The following PARG variants were observed in gnomAD, a reference collection of about 807,000 sequenced individuals.
PARG encodes the protein poly(ADP-ribose) glycohydrolase.
Under a neutral mutation model 113.0 loss-of-function variants are expected in PARG, and 35 were observed. The ratio of observed to expected loss-of-function variants is 0.31; its 90% CI spans 0.24 to 0.41. The LOEUF (loss-of-function observed/expected upper bound fraction) is 0.41. Among genes scored for constraint, PARG ranks in the 10% least tolerant of loss-of-function variants. The pLI is 1.00. For synonymous variants in PARG, 330 were observed against 409.9 expected, an observed-to-expected ratio of 0.81 and a Z score of 2.36; for missense variants, 797 against 1,169.4, an observed-to-expected ratio of 0.68 and a Z score of 4.64.
chr10:49,897,901 A>G (rs1554843132), intron 7 of PARG, among the ~76,000 whole-genome samples: 1 of 152,168 alleles, frequency 6.6e-6, no homozygotes, highest in Non-Finnish European at 1.5e-5. Flanking sequence ...CTAAGGCATG[A>G]GAATCGCTTG....
intron 4 of PARG, among the ~76,000 whole-genome samples, chr10:49,929,840 A>G (rs1316243611): frequency 3.3e-5 from 5 of 151,738 alleles, no homozygotes; most frequent in South Asian, 2.1e-4. Flanking sequence ...AAAAAAAAAA[A>G]AAAAGAAATA....
intron 7 of PARG, among the ~76,000 whole-genome samples, chr10:49,914,452 T>C (rs1837355951): frequency 1.3e-5 from 2 of 152,202 alleles, no homozygotes; most frequent in Non-Finnish European, 2.9e-5. Context: ...GCCTGCCTTG[T>C]AAAAGCCATA....
chr10:49,866,453 G>A (rs1333975807), intron 10 of PARG, among the ~76,000 whole-genome samples: 1 of 151,814 alleles, frequency 6.6e-6, no homozygotes, highest in East Asian at 1.9e-4. Context: ...TGGGTCTTAC[G>A]TCTTTTAGAT....
intron 14 of PARG, 45 bp from the exon 15 acceptor site, chr10:49,842,103 C>T (rs1440948078): frequency 4.5e-6 from 6 of 1,334,584 alleles, no homozygotes; most frequent in Non-Finnish European, 6.3e-6. Flanking sequence ...AACAGGTAGT[C>T]GCTCAAATAA....
At chr10:49,835,633 GAAAGAA>G (rs1307478669) in intron 15 of PARG, among the ~76,000 whole-genome samples, 2 of 152,102 alleles carry the variant, frequency 1.3e-5, no homozygotes, top group Admixed American at 1.3e-4. Context: ...AGGAAAGAAG[GAAAGAA>G]AACGGAAAAG....
chr10:49,935,040 T>A (rs1838681541), intron 2 of PARG, 36 bp downstream of exon 2: 1 of 697,712 alleles, frequency 1.4e-6, no homozygotes, highest in Non-Finnish European at 2.6e-6. Context: ...ATCCATGTAT[T>A]ATTATTCATT....
chr10:49,885,257 G>A lies in PARG; in HGVS notation c.1776C>T (p.Ser592=). 9 of 1,609,042 alleles carry A rather than the reference G, an allele frequency of 5.6e-6. No homozygotes were observed. Among genetic ancestry groups the A allele is most frequent in the Non-Finnish European group, 7.6e-6 (9 of 1,177,338 alleles). The change falls in exon 8 of 18, where the codon TCC becomes TCT. Residue 592 remains serine, a synonymous_variant. Coordinates refer to ENST00000616448, the MANE Select transcript of PARG (RefSeq NM_003631.5). ...CAATTTTCACCATATCAGGCAAGAT[G>A]GACTGATATAAATGTTGAGCTTCTG... is the stretch of plus-strand genomic sequence containing the variant. The part of the protein sequence containing the change: ...EEAEAQHLYQ[S]ILPDMVKIAL...
At chr10:49,861,685 C>T in intron 11 of PARG, 22 bp from the exon 12 acceptor site, 3 of 825,952 alleles carry the variant, frequency 3.6e-6, no homozygotes, top group East Asian at 2.6e-5. Flanking sequence ...AAAGACATTC[C>T]CTTATTTATT....
At chr10:49,826,899 A>C in intron 16 of PARG, among the ~76,000 whole-genome samples, 1 of 152,230 alleles carries the variant, frequency 6.6e-6, no homozygotes, top group East Asian at 1.9e-4. Flanking sequence ...ATGGAGACAG[A>C]TGAAAATGAG....
chr10:49,923,179 A>G (rs1284338758), intron 4 of PARG, among the ~76,000 whole-genome samples: 3 of 152,056 alleles, frequency 2.0e-5, no homozygotes, highest in African/African-American at 7.2e-5. Context: ...TCTTTTTAAT[A>G]CCACTACTAC....
Position 49,941,639 on chromosome 10 carries a change from C to G in PARG, c.87G>C (p.Arg29=). The part of the protein sequence containing the change: ...ATTSPAASDA[R]SFPSRQRRVL... ...CGCGCCTCTGCCTGCTGGGAAAGCT[C>G]CGGGCGTCCGAAGCAGCCGGCGAAG... is the stretch of plus-strand genomic sequence containing the variant. The change falls in exon 1 of 18, where the codon CGG becomes CGC. Residue 29 remains arginine, a synonymous_variant. Transcript: ENST00000616448. 2.5e-6 allele frequency: 4 copies of G among 1,597,440 alleles called. No individual in the cohort carries two copies. The highest frequency in any genetic ancestry group is 2.3e-5 in the South Asian group (2 of 87,358).
At chr10:49,892,693 A>C (rs1847867550) in intron 7 of PARG, among the ~76,000 whole-genome samples, 1 of 152,220 alleles carries the variant, frequency 6.6e-6, no homozygotes. Context: ...TGTTGTCATC[A>C]GTCCATTCTT....
intron 7 of PARG, among the ~76,000 whole-genome samples, chr10:49,887,249 A>G (rs1847539540): frequency 6.6e-6 from 1 of 152,134 alleles, no homozygotes. Flanking sequence ...GATTTACAGG[A>G]CGTTATAGTA....
At chr10:49,868,897 G>C (rs1192846867) in intron 10 of PARG, among the ~76,000 whole-genome samples, 9 of 151,860 alleles carry the variant, frequency 5.9e-5, no homozygotes, top group African/African-American at 1.9e-4. Flanking sequence ...GATAAGAGTG[G>C]CAATACCAAT....
intron 6 of PARG, among the ~76,000 whole-genome samples, chr10:49,920,511 CATATATATGTATATACATGTATATATAT>C (rs1837779903): frequency 9.4e-6 from 1 of 105,948 alleles, no homozygotes; most frequent in South Asian, 3.0e-4. Flanking sequence ...CACACACACA[CATATATATGTATATACATGTATATATAT>C]ACACATATAT....
intron 6 of PARG, among the ~76,000 whole-genome samples, chr10:49,916,922 T>C (rs2009858344): frequency 6.6e-6 from 1 of 152,084 alleles, no homozygotes; most frequent in African/African-American, 2.4e-5. Flanking sequence ...CTTCCAAATT[T>C]CGTTATCATT....
chr10:49,934,959 A>C lies in PARG; in HGVS notation c.284+117T>G. On this transcript the variant is annotated intron_variant, in intron 2 of 17. Coordinates refer to ENST00000616448, the MANE Select transcript of PARG (RefSeq NM_003631.5). ...AAAAATTACTTATAAGTTGATTTTG[A>C]ATTAACATAGATAAAGGAGAACAGA... The C allele has an allele frequency of 4.8e-6, 3 of 630,042 alleles. No homozygotes were observed. In the South Asian group the frequency reaches 5.9e-5, roughly 12 times the overall value. The allele number at this position is 630,042 out of a possible 1,614,324, so 39.0% of individuals were successfully genotyped here.
chr10:49,853,128 G>A (rs1845834189), intron 13 of PARG, among the ~76,000 whole-genome samples: 1 of 149,590 alleles, frequency 6.7e-6, no homozygotes, highest in African/African-American at 2.5e-5. Flanking sequence ...CCGCCTCCTG[G>A]GTTCACGCCA....
chr10:49,821,719 T>C (rs1323776681), intron 16 of PARG, among the ~76,000 whole-genome samples: 2 of 152,154 alleles, frequency 1.3e-5, no homozygotes, highest in African/African-American at 2.4e-5. Flanking sequence ...TTTGACAGCA[T>C]GTTAATATTC....
Sources: allele counts gnomAD v4.1 joint callset (sites outside exome capture counted in the v4.1 genomes callset), GRCh38; gene constraint gnomAD v4.1.1; transcripts MANE v1.5; gene names NCBI Gene and HGNC (gene_info 2026-07-23, HGNC 2026-07-21).